MIGA2: variants seen among roughly 807,000 people sequenced by gnomAD.
MIGA2 encodes family with sequence similarity 73, member B.
MIGA2 carries 36 observed loss-of-function variants against 69.9 expected under a neutral mutation model. The ratio of observed to expected loss-of-function variants is 0.52; its 90% CI spans 0.39 to 0.68. The LOEUF (loss-of-function observed/expected upper bound fraction) is 0.68, where lower values mean the gene tolerates loss of function less well. MIGA2 is among the 30% of genes least tolerant of loss of function. MIGA2 has a pLI of 0.00. For synonymous variants in MIGA2, 333 were observed against 349.2 expected, an observed-to-expected ratio of 0.95 and a Z score of 0.52; for missense variants, 660 against 787.7, an observed-to-expected ratio of 0.84 and a Z score of 1.94.
intron 6 of MIGA2, among the ~76,000 whole-genome samples, chr9:129,053,659 G>A (rs973363626): frequency 3.3e-5 from 5 of 152,082 alleles, no homozygotes; most frequent in East Asian, 1.9e-4. Context: ...GAGCCACTGC[G>A]CCTGGCCTAT....
At chr9:129,037,187 G>A (rs570367183) in intron 1 of MIGA2, among the ~76,000 whole-genome samples, 2 of 152,268 alleles carry the variant, frequency 1.3e-5, no homozygotes, top group South Asian at 4.1e-4. Context: ...GGGTGAATAG[G>A]AGACTGGGCA....
At chr9:129,041,438 G>A (rs912196319) in intron 2 of MIGA2, among the ~76,000 whole-genome samples, 1 of 152,026 alleles carries the variant, frequency 6.6e-6, no homozygotes, top group Non-Finnish European at 1.5e-5. Context: ...AGGTTGCAGT[G>A]AGTCGAGATC....
At chr9:129,047,726 A>G (rs1845305415) in intron 3 of MIGA2, among the ~76,000 whole-genome samples, 1 of 151,374 alleles carries the variant, frequency 6.6e-6, no homozygotes, top group African/African-American at 2.4e-5. Flanking sequence ...AAAAATTTAT[A>G]TATATATATG....
At chr9:129,050,907 C>G (rs1845494699) in intron 6 of MIGA2, among the ~76,000 whole-genome samples, 1 of 149,550 alleles carries the variant, frequency 6.7e-6, no homozygotes, top group African/African-American at 2.5e-5. Flanking sequence ...GAGTTTCGCT[C>G]TTGTTGCCCA....
At chr9:129,057,438 C>T (rs1415690852) in intron 6 of MIGA2, among the ~76,000 whole-genome samples, 3 of 151,584 alleles carry the variant, frequency 2.0e-5, no homozygotes, top group Non-Finnish European at 4.4e-5. Flanking sequence ...GGACTACAGG[C>T]GCCCGCCACC....
At chr9:129,041,355 A>G (rs1844895942) in intron 2 of MIGA2, among the ~76,000 whole-genome samples, 1 of 151,310 alleles carries the variant, frequency 6.6e-6, no homozygotes. Context: ...TTAGCTGGGC[A>G]TGGTGGCAGG....
At chr9:129,067,696 A>G in intron 11 of MIGA2, 77 bp from the exon 12 acceptor site, 1 of 1,371,448 alleles carries the variant, frequency 7.3e-7, no homozygotes, top group South Asian at 1.3e-5. Context: ...GTGCCTTGGC[A>G]TGTCCCCCAT....
intron 3 of MIGA2, among the ~76,000 whole-genome samples, chr9:129,045,767 C>G (rs1845187084): frequency 6.6e-6 from 1 of 151,444 alleles, no homozygotes; most frequent in Non-Finnish European, 1.5e-5. Context: ...AAGCAAAAGT[C>G]TCCTGTGAAA....
Position 129,063,529 on chromosome 9 carries a change from C to T in MIGA2, c.1084-16C>T, listed in dbSNP as rs766021426. ...CGTGCCCGGCAGCTCACTCCCCTCCCTTCCTCCTTCCCTAGGGGCTTCTGG... is the reference window on the plus strand; with the variant it reads ...CGTGCCCGGCAGCTCACTCCCCTCCTTTCCTCCTTCCCTAGGGGCTTCTGG... On this transcript the variant is annotated splice_polypyrimidine_tract_variant and intron_variant, in intron 10 of 15. Transcript: ENST00000684074. 2 of 1,613,448 alleles carry T rather than the reference C, an allele frequency of 1.2e-6. No homozygotes were observed. The highest frequency in any genetic ancestry group is 1.1e-5 in the South Asian group (1 of 91,072).
At chr9:129,065,578 G>T (rs146641625) in intron 11 of MIGA2, among the ~76,000 whole-genome samples, 1 of 152,016 alleles carries the variant, frequency 6.6e-6, no homozygotes, top group Non-Finnish European at 1.5e-5. Flanking sequence ...TCGAACTCCT[G>T]ACCTTAGGTG....
chr9:129,051,813 GTAAT>G (rs141857454), intron 6 of MIGA2, among the ~76,000 whole-genome samples: 3,814 of 148,244 alleles, frequency 0.026, 52 homozygotes, highest in African/African-American at 0.04. Context: ...TAGCCAGGAT[GTAAT>G]TAATTAATTA....
chr9:129,040,467 C>T lies in MIGA2; in HGVS notation c.-128C>T, dbSNP rs1043397428. ...TGTCTCTTAGCTCTGTGGAGGGGCC[C>T]TCTGGTATGTGTGTCCCTGTCCTTC... On this transcript the variant is annotated 5_prime_UTR_variant, in exon 2 of 16. Coordinates refer to ENST00000684074, the MANE Select transcript of MIGA2 (RefSeq NM_001329990.2). 3.5e-6 allele frequency: 5 copies of T among 1,419,434 alleles called. No homozygotes were observed. The East Asian group carries it at 1.3e-4, about 37-fold the overall frequency. The allele number at this position is 1,419,434 out of a possible 1,614,324, so 87.9% of individuals were successfully genotyped here.
At chr9:129,044,992 G>A (rs1239012941) in intron 3 of MIGA2, among the ~76,000 whole-genome samples, 2 of 139,740 alleles carry the variant, frequency 1.4e-5, no homozygotes, top group African/African-American at 5.2e-5. Flanking sequence ...GAGGTCAGGA[G>A]TTTGAGACCA....
Position 129,069,233 on chromosome 9 carries a change from C to A in MIGA2, c.1458+104C>A. ...GCTCGCTGGGCCACTTGGCCTTCACCGCTCACAGTCCTGGCCCCCTTGTTC... is the reference window on the plus strand; with the variant it reads ...GCTCGCTGGGCCACTTGGCCTTCACAGCTCACAGTCCTGGCCCCCTTGTTC... On this transcript the variant is annotated intron_variant, in intron 14 of 15. Transcript: ENST00000684074. The surrounding 1 kb of genome is among the most constrained non-coding windows in gnomAD (Gnocchi z 4.9). 1 of 1,404,540 alleles carries A rather than the reference C, an allele frequency of 7.1e-7. No individual in the cohort carries two copies. Among genetic ancestry groups the A allele is most frequent in the Non-Finnish European group, 1.0e-6 (1 of 999,136 alleles). 87.0% of individuals were successfully genotyped at this position (1,404,540 alleles called of 1,614,324 possible).
intron 15 of MIGA2, 80 bp from the exon 16 acceptor site, chr9:129,070,167 C>T: frequency 6.6e-7 from 1 of 1,510,090 alleles, no homozygotes; most frequent in Non-Finnish European, 9.1e-7. Context: ...TGGTGGTGGA[C>T]AAGGGGACTT....
intron 11 of MIGA2, 24 bp downstream of exon 11, chr9:129,063,655 G>GGGGGGGGGGGGGCCC: frequency 2.5e-5 from 16 of 645,686 alleles, no homozygotes; most frequent in Non-Finnish European, 4.3e-5. Context: ...GGGTGGGGGG[G>GGGGGGGGGGGGGCCC]CAAATTATAA....
chr9:129,054,531 C>T (rs1251500538), intron 6 of MIGA2, among the ~76,000 whole-genome samples: 5 of 152,282 alleles, frequency 3.3e-5, no homozygotes, highest in East Asian at 3.9e-4. Context: ...TTCATTTCCC[C>T]CCAGCTCTAG....
Position 129,061,424 on chromosome 9 carries a change from C to A in MIGA2, c.1010+78C>A. 7.5e-7 allele frequency: 1 copy of A among 1,340,738 alleles called. No individual in the cohort carries two copies. The highest frequency in any genetic ancestry group is 1.4e-5 in the African/African-American group (1 of 69,222). 83.1% of individuals were successfully genotyped at this position (1,340,738 alleles called of 1,614,324 possible). A position where few individuals can be genotyped will look rare whatever the true frequency, so the allele number is the denominator to read the frequency against. Reference sequence around the variant, plus strand: ...TGGCCCTTGCGGGAGGCGGAGAAGCCAGCGGTGCTTGGCGAGGACTTAGCC... The same window carrying A: ...TGGCCCTTGCGGGAGGCGGAGAAGCAAGCGGTGCTTGGCGAGGACTTAGCC... On this transcript the variant is annotated intron_variant, in intron 9 of 15. Transcript: ENST00000684074. This position sits in a 1 kb window ranked among gnomAD's most constrained non-coding sequence, Gnocchi z 5.0.
chr9:129,067,164 A>G, intron 11 of MIGA2, among the ~76,000 whole-genome samples: 1 of 150,454 alleles, frequency 6.6e-6, no homozygotes, highest in Admixed American at 6.6e-5. Context: ...AAAAATCACG[A>G]GTTAATCCAC....
Sources: gnomAD v4.1 joint callset for allele counts (sites outside exome capture counted in the v4.1 genomes callset) on GRCh38, gnomAD v4.1.1 for gene constraint, Gnocchi (gnomAD v3.1) non-coding constraint, MANE v1.5 for transcripts, NCBI Gene and HGNC (gene_info 2026-07-23, HGNC 2026-07-21) for gene names.